NRG1: variants seen among roughly 807,000 people sequenced by gnomAD.
NRG1 encodes the protein pro-neuregulin-1, membrane-bound isoform.
In NRG1, 18 loss-of-function variants were observed where a neutral mutation model predicts 63.8. The ratio of observed to expected loss-of-function variants is 0.28; its 90% CI spans 0.19 to 0.42. The LOEUF is 0.42. Ranked by LOEUF, NRG1 falls within the 10% of genes least tolerant of loss-of-function variation. NRG1 has a pLI of 1.00. For synonymous variants in NRG1, 302 were observed against 301.3 expected (o/e 1.00, Z -0.02); for missense variants, 762 against 814.7 (o/e 0.94, Z 0.79).
At chr8:32,434,047 G>C (rs963341686) in intron 1 of NRG1, among the ~76,000 whole-genome samples, 3 of 152,058 alleles carry the variant, frequency 2.0e-5, no homozygotes, top group African/African-American at 7.2e-5. Context: ...TTAGCTGGGC[G>C]TGGTGGCACG....
At chr8:32,392,329 G>T (rs751525234) in intron 1 of NRG1, among the ~76,000 whole-genome samples, 1 of 152,130 alleles carries the variant, frequency 6.6e-6, no homozygotes, top group Non-Finnish European at 1.5e-5. Flanking sequence ...ACAAGCAAAT[G>T]TAAACTTTTA....
intron 1 of NRG1, among the ~76,000 whole-genome samples, chr8:32,339,159 C>CGG (rs1803720315): frequency 6.6e-6 from 1 of 151,998 alleles, no homozygotes; most frequent in Non-Finnish European, 1.5e-5. Context: ...CTACAGTTCC[C>CGG]TCTCCCTAAA....
intron 1 of NRG1, among the ~76,000 whole-genome samples, chr8:32,123,578 A>G (rs1281021958): frequency 1.3e-5 from 2 of 149,126 alleles, no homozygotes; most frequent in Non-Finnish European, 3.0e-5. Flanking sequence ...ACATATTTCA[A>G]TATTATTTAT....
intron 1 of NRG1, among the ~76,000 whole-genome samples, chr8:32,294,568 G>A (rs1309727527): frequency 1.3e-5 from 2 of 152,100 alleles, no homozygotes; most frequent in East Asian, 3.9e-4. Flanking sequence ...GGTCTGAATT[G>A]GAAACATTTC....
intron 5 of NRG1, among the ~76,000 whole-genome samples, chr8:32,684,307 G>A (rs374443316): frequency 6.6e-6 from 1 of 152,260 alleles, no homozygotes; most frequent in African/African-American, 2.4e-5. Flanking sequence ...AAGAATTATT[G>A]TATGTAAGAG....
At chr8:31,914,745 T>G (rs564506582) in intron 1 of NRG1, among the ~76,000 whole-genome samples, 7 of 152,154 alleles carry the variant, frequency 4.6e-5, no homozygotes, top group African/African-American at 1.7e-4. Context: ...CAAATAATCT[T>G]TTTTTTTCAG....
intron 1 of NRG1, among the ~76,000 whole-genome samples, chr8:31,854,377 T>C (rs1827611466): frequency 6.6e-6 from 1 of 152,242 alleles, no homozygotes; most frequent in South Asian, 2.1e-4. Flanking sequence ...CCATTTCTTC[T>C]AGATTTCTAG....
upstream of NRG1, among the ~76,000 whole-genome samples, chr8:32,543,568 A>G (rs890004501): frequency 6.6e-6 from 1 of 152,204 alleles, no homozygotes; most frequent in Non-Finnish European, 1.5e-5. Flanking sequence ...AAATTCAGCA[A>G]TAGTATTTAG....
intron 1 of NRG1, among the ~76,000 whole-genome samples, chr8:31,956,119 C>T (rs888798818): frequency 4.0e-5 from 6 of 151,824 alleles, no homozygotes; most frequent in Non-Finnish European, 5.9e-5. Flanking sequence ...TGCATTATTC[C>T]CCCATATACT....
chr8:32,301,547 A>T (rs944941440), intron 1 of NRG1, among the ~76,000 whole-genome samples: 13 of 152,208 alleles, frequency 8.5e-5, no homozygotes, highest in African/African-American at 3.1e-4. Context: ...GCTGATAAAG[A>T]CATACCCAAG....
chr8:32,669,411 G>A (rs1805048922), intron 5 of NRG1, among the ~76,000 whole-genome samples: 1 of 152,118 alleles, frequency 6.6e-6, no homozygotes, highest in Non-Finnish European at 1.5e-5. Context: ...CTATAGCTTA[G>A]TAAATTCCAT....
chr8:32,514,345 C>G (rs1328147603), intron 1 of NRG1, among the ~76,000 whole-genome samples: 1 of 151,908 alleles, frequency 6.6e-6, no homozygotes, highest in African/African-American at 2.4e-5. Context: ...TTTTGTAGTG[C>G]TTTACCATTT....
At position 32,685,100 on chromosome 8, in the gene NRG1, A is replaced by T. The variant is rs560300328; in HGVS notation, c.503-42849A>T. ...TTCAGTCAACATACGGAATATTTTC[A>T]TCAGCGCAGGAATGTGACTATTAAA... On this transcript the variant is annotated intron_variant, in intron 5 of 11. Coordinates refer to ENST00000356819, the Ensembl canonical transcript of NRG1. Among the ~76,000 whole-genome samples, 9 of 152,332 alleles carry T rather than the reference A, an allele frequency of 5.9e-5. No homozygotes were observed. The South Asian group carries it at 1.9e-3, about 32-fold the overall frequency.
chr8:32,022,767 C>A (rs1214244078), intron 1 of NRG1, among the ~76,000 whole-genome samples: 1 of 152,052 alleles, frequency 6.6e-6, no homozygotes, highest in Non-Finnish European at 1.5e-5. Flanking sequence ...GTACCTGGTA[C>A]AATCATTTCA....
At position 32,271,114 on chromosome 8, in the gene NRG1, AC is replaced by A. The variant is rs932007475; in HGVS notation, c.38-324712del. Reference sequence around the variant, plus strand: ...TGTCAAAATCTCACTTTTTTCCTTTACCTTTTCAGCCCTGCTTCAGCCCTAG... The same window carrying A: ...TGTCAAAATCTCACTTTTTTCCTTTACTTTTCAGCCCTGCTTCAGCCCTAG... On this transcript the variant is annotated intron_variant, in intron 1 of 10. Transcript: ENST00000519301. Among the ~76,000 whole-genome samples, 4 of 151,900 alleles carry A rather than the reference AC, an allele frequency of 2.6e-5. No individual in the cohort carries two copies. The South Asian group carries it at 6.2e-4, about 24-fold the overall frequency.
At chr8:31,919,938 A>G (rs1489156378) in intron 1 of NRG1, among the ~76,000 whole-genome samples, 13 of 152,172 alleles carry the variant, frequency 8.5e-5, no homozygotes, top group Non-Finnish European at 1.9e-4. Context: ...TGTATTTTAT[A>G]TAAGATACTT....
At position 32,198,451 on chromosome 8, in the gene NRG1, T is replaced by A. The variant is rs1022782564; in HGVS notation, c.38-397377T>A. On this transcript the variant is annotated intron_variant, in intron 1 of 10. Coordinates refer to the NRG1 transcript ENST00000519301. ...CCTCGGCCTCCCAAAGTGCTGGGAT[T>A]ACAGGTGTGAGCCACCATGCCTGGC... Among the ~76,000 whole-genome samples the A allele has an allele frequency of 2.0e-5, 3 of 152,218 alleles. No individual in the cohort carries two copies. The East Asian group carries it at 5.8e-4, about 29-fold the overall frequency.
chr8:31,772,304 C>T (rs1586296032), intron 1 of NRG1, among the ~76,000 whole-genome samples: 1 of 152,046 alleles, frequency 6.6e-6, no homozygotes, highest in South Asian at 2.1e-4. Context: ...TTTGTTTGTT[C>T]ATCCTGCCTC....
chr8:32,391,428 C>T lies in NRG1; in HGVS notation c.38-204400C>T, dbSNP rs184111927. Among the ~76,000 whole-genome samples, 8 of 152,138 alleles carry T rather than the reference C, an allele frequency of 5.3e-5. No homozygotes were observed. In the East Asian group the frequency reaches 5.8e-4, roughly 11 times the overall value. ...TTGTTATATAGATAAACTCATGTCA[C>T]GGGGATCTGTTGTGCAGATTGTTTT... On this transcript the variant is annotated intron_variant, in intron 1 of 10. Transcript: ENST00000519301.
Sources: gnomAD v4.1 joint callset for allele counts (sites outside exome capture counted in the v4.1 genomes callset) on GRCh38, gnomAD v4.1.1 for gene constraint, MANE v1.5 for transcripts, NCBI Gene and HGNC (gene_info 2026-07-23, HGNC 2026-07-21) for gene names.